Variants in MICU2 observed in about 807,000 individuals in gnomAD.
The protein encoded by MICU2 is mitochondrial calcium uptake 2.
In MICU2, 64 loss-of-function variants were observed where a neutral mutation model predicts 60.4. That is an observed-to-expected ratio of 1.06 (90% CI 0.87 to 1.31). The LOEUF (loss-of-function observed/expected upper bound fraction) is 1.31. Ranked by LOEUF, MICU2 falls within the 50% of genes most tolerant of loss-of-function variation. The pLI, the probability that MICU2 is intolerant of heterozygous loss-of-function variation, is 0.00. For synonymous variants in MICU2, 201 were observed against 175.0 expected (o/e 1.15, Z -1.17); for missense variants, 569 against 531.0 (o/e 1.07, Z -0.70).
chr13:21,516,371 A>G (rs1886570316), intron 6 of MICU2, among the ~76,000 whole-genome samples: 1 of 152,190 alleles, frequency 6.6e-6, no homozygotes, highest in African/African-American at 2.4e-5. Context: ...TGGTCTTGAG[A>G]GTCACCCATG....
rs1261417731 is a variant in MICU2, at chr13:21,495,135, T to A, written c.1200+26A>T. The A allele has an allele frequency of 3.2e-6, 5 of 1,570,044 alleles. No homozygotes were observed. The East Asian group carries it at 1.1e-4, about 35-fold the overall frequency. ...ATATCAGTTAATGACAATGTAAACA[T>A]GTATTATATAAAAAAAATCTGTTAC... On this transcript the variant is annotated intron_variant, in intron 11 of 11. Coordinates refer to ENST00000382374, the MANE Select transcript of MICU2 (RefSeq NM_152726.3).
chr13:21,513,690 A>G (rs1479328960), intron 7 of MICU2, among the ~76,000 whole-genome samples: 3 of 131,524 alleles, frequency 2.3e-5, no homozygotes, highest in African/African-American at 8.4e-5. Context: ...CAGTGAGCTG[A>G]GATCGCGCCA....
intron 6 of MICU2, among the ~76,000 whole-genome samples, chr13:21,520,660 GTT>G (rs60205345): frequency 2.1e-5 from 3 of 144,568 alleles, no homozygotes; most frequent in African/African-American, 7.7e-5. Context: ...AGGTTTTTTT[GTT>G]TTTTTTTTTT....
intron 1 of MICU2, among the ~76,000 whole-genome samples, chr13:21,577,183 T>C (rs1360624744): frequency 6.6e-6 from 1 of 152,240 alleles, no homozygotes; most frequent in African/African-American, 2.4e-5. Flanking sequence ...TAAAACAGAT[T>C]TGACTTGCTG....
In MICU2 at chr13:21,522,640, T is replaced by C. The variant is rs1886747207; in HGVS notation, c.477A>G (p.Ser159=). ...FRDLGDKGLI[S]YTEYLFLLTI... ...TAAGCAAGAAAAGATACTCGGTATA[T>C]GAAATTAGCCCTGAAAGAGATAAAA... The change falls in exon 5 of 12, where the codon TCA becomes TCG. Residue 159 remains serine, a synonymous_variant. Transcript: ENST00000382374. 2.5e-6 allele frequency: 4 copies of C among 1,604,234 alleles called. No homozygotes were observed. The highest frequency in any genetic ancestry group is 1.7e-5 in the Admixed American group (1 of 58,726).
At chr13:21,512,471 G>A (rs78049896) in intron 7 of MICU2, among the ~76,000 whole-genome samples, 10 of 133,366 alleles carry the variant, frequency 7.5e-5, no homozygotes, top group East Asian at 4.7e-4. Flanking sequence ...TTTTTGAGAC[G>A]GAGTCTCGCT....
intron 4 of MICU2, among the ~76,000 whole-genome samples, chr13:21,526,211 C>T (rs1055051959): frequency 2.0e-5 from 3 of 149,916 alleles, no homozygotes; most frequent in Non-Finnish European, 4.4e-5. Flanking sequence ...GCCTCAGCCT[C>T]CCAAAGTGCT....
At chr13:21,555,889 G>A (rs934700143) in intron 2 of MICU2, among the ~76,000 whole-genome samples, 3 of 152,190 alleles carry the variant, frequency 2.0e-5, no homozygotes, top group African/African-American at 7.2e-5. Flanking sequence ...GGAACTCTGT[G>A]CTCCTACCTA....
intron 1 of MICU2, among the ~76,000 whole-genome samples, chr13:21,601,073 G>A (rs1449634044): frequency 6.6e-6 from 1 of 152,204 alleles, no homozygotes; most frequent in South Asian, 2.1e-4. Context: ...TGGGATTACA[G>A]GCGTGAGCCA....
chr13:21,516,500 T>A (rs1431685130), intron 6 of MICU2, among the ~76,000 whole-genome samples: 1 of 152,236 alleles, frequency 6.6e-6, no homozygotes, highest in Non-Finnish European at 1.5e-5. Flanking sequence ...AGTTTTTGGC[T>A]ACTGTGAATC....
chr13:21,496,082 A>C lies in MICU2; in HGVS notation c.1012T>G (p.Phe338Val). The change falls in exon 10 of 12, where the codon TTC becomes GTC. Residue 338 changes from phenylalanine to valine, a missense_variant. Coordinates refer to ENST00000382374, the MANE Select transcript of MICU2 (RefSeq NM_152726.3). ...LEDFAIAMQM[F>V]SLAHRPVRLA... is the part of the protein sequence containing the mutation. Reference sequence around the variant, plus strand: ...CTGACAGGACGATGAGCTAAACTGAACATCTGCATGGCAATAGCAAAGTCT... The same window carrying C: ...CTGACAGGACGATGAGCTAAACTGACCATCTGCATGGCAATAGCAAAGTCT... 1 of 1,614,014 alleles carries C rather than the reference A, an allele frequency of 6.2e-7. No individual in the cohort carries two copies. The highest frequency in any genetic ancestry group is 8.5e-7 in the Non-Finnish European group (1 of 1,179,932).
At chr13:21,530,825 G>C (rs1886977644) in intron 4 of MICU2, 1 of 738,380 alleles carries the variant, frequency 1.4e-6, no homozygotes, top group Non-Finnish European at 2.4e-6. Flanking sequence ...GCAAGCCGTG[G>C]TGCCCCCATG....
At chr13:21,515,326 C>T (rs559921327) in intron 6 of MICU2, among the ~76,000 whole-genome samples, 25 of 152,300 alleles carry the variant, frequency 1.6e-4, no homozygotes, top group Non-Finnish European at 3.4e-4. Context: ...TTGTGATCCA[C>T]CTGCCTCGGC....
intron 9 of MICU2, among the ~76,000 whole-genome samples, chr13:21,500,842 G>A (rs1346998812): frequency 6.6e-6 from 1 of 152,092 alleles, no homozygotes; most frequent in Non-Finnish European, 1.5e-5. Flanking sequence ...TGCAGGGGAC[G>A]AGGTGAGGCA....
intron 4 of MICU2, among the ~76,000 whole-genome samples, chr13:21,527,507 C>T (rs528799821): frequency 4.2e-4 from 64 of 152,198 alleles, no homozygotes; most frequent in Admixed American, 9.2e-4. Context: ...AAAACAGTAC[C>T]TTTCACTCTC....
chr13:21,511,907 G>A (rs1311158813), intron 7 of MICU2, among the ~76,000 whole-genome samples: 1 of 151,960 alleles, frequency 6.6e-6, no homozygotes, highest in Non-Finnish European at 1.5e-5. Context: ...TTGCAGAGCA[G>A]TATTTCATGG....
Position 21,509,988 on chromosome 13 carries a change from A to G in MICU2, c.761+16T>C. On this transcript the variant is annotated intron_variant, in intron 8 of 11. Transcript: ENST00000382374. ...CCATAAAATTTCCCTAAATGAATGT[A>G]AATATTTGCATTTACCTTCGAAATT... is the stretch of plus-strand genomic sequence containing the variant. 1 of 1,436,956 alleles carries G rather than the reference A, an allele frequency of 7.0e-7. No individual in the cohort carries two copies. Among genetic ancestry groups the G allele is most frequent in the Non-Finnish European group, 9.4e-7 (1 of 1,062,166 alleles). The allele number at this position is 1,436,956 out of a possible 1,614,324, so 89.0% of individuals were successfully genotyped here.
At chr13:21,498,736 A>G (rs1886068055) in intron 9 of MICU2, among the ~76,000 whole-genome samples, 1 of 152,070 alleles carries the variant, frequency 6.6e-6, no homozygotes, top group Non-Finnish European at 1.5e-5. Context: ...TGTTTTACAC[A>G]ATGGGAACAA....
At chr13:21,561,832 G>A in intron 2 of MICU2, among the ~76,000 whole-genome samples, 1 of 145,338 alleles carries the variant, frequency 6.9e-6, no homozygotes, top group Admixed American at 6.9e-5. Context: ...TTTAGCATTA[G>A]GTATATCTCC....
Sources: allele counts gnomAD v4.1 joint callset (sites outside exome capture counted in the v4.1 genomes callset), GRCh38; gene constraint gnomAD v4.1.1; transcripts MANE v1.5; gene names NCBI Gene and HGNC (gene_info 2026-07-23, HGNC 2026-07-21).